MYCBP2: variants seen among roughly 807,000 people sequenced by gnomAD.
The protein encoded by MYCBP2 is E3 ubiquitin-protein ligase MYCBP2.
A neutral mutation model predicts 525.3 loss-of-function variants in MYCBP2; 120 were observed. That is an observed-to-expected ratio of 0.23 (90% CI 0.20 to 0.27). The LOEUF is 0.27. Ranked by LOEUF, MYCBP2 falls within the 10% of genes least tolerant of loss-of-function variation. The pLI, the probability that MYCBP2 is intolerant of heterozygous loss-of-function variation, is 1.00. For synonymous variants in MYCBP2, 1,894 were observed against 1,955.8 expected, an observed-to-expected ratio of 0.97 and a Z score of 0.83; for missense variants, 4,149 against 5,657.1, an observed-to-expected ratio of 0.73 and a Z score of 8.55.
At position 77,176,533 on chromosome 13, in the gene MYCBP2, T is replaced by C; in HGVS notation, c.5436A>G (p.Ile1812Met). 1 of 1,596,580 alleles carries C rather than the reference T, an allele frequency of 6.3e-7. No homozygotes were observed. Among genetic ancestry groups the C allele is most frequent in the Non-Finnish European group, 8.6e-7 (1 of 1,168,660 alleles). ...CCACTTTGTCAAGTCTGATCTCAGC[T>C]ATATCACTGGGTGAGTCATCCGTTG... ...TYTTDDSPSD[I>M]AEIRLDKVVP... Residue 1812 changes from isoleucine to methionine, a missense_variant, in exon 36 of 83, where the codon ATA becomes ATG. Ile to Met is a conservative substitution (Grantham distance 10). Around this residue, in one of 21 missense-constraint regions of MYCBP2, gnomAD observed 109 missense variants for 118.9 expected, o/e 0.92. Coordinates refer to ENST00000544440, the MANE Select transcript of MYCBP2 (RefSeq NM_015057.5).
chr13:77,201,322 C>G (rs2062517047), intron 26 of MYCBP2, among the ~76,000 whole-genome samples: 1 of 149,556 alleles, frequency 6.7e-6, no homozygotes, highest in African/African-American at 2.5e-5. Context: ...GTAAAGGGAT[C>G]AATTCAACAA....
At chr13:77,206,183 C>T (rs1402951439) in intron 24 of MYCBP2, among the ~76,000 whole-genome samples, 2 of 151,714 alleles carry the variant, frequency 1.3e-5, no homozygotes, top group Non-Finnish European at 2.9e-5. Flanking sequence ...TATTGCACTA[C>T]ATCTCAAAGT....
chr13:77,205,315 T>C lies in MYCBP2; in HGVS notation c.3784A>G (p.Ile1262Val). 2.5e-6 allele frequency: 4 copies of C among 1,613,822 alleles called. No homozygotes were observed. Among genetic ancestry groups the C allele is most frequent in the Non-Finnish European group, 2.5e-6 (3 of 1,179,812 alleles). Residue 1262 changes from isoleucine (I) to valine (V), a missense_variant, in exon 26 of 83, where the codon ATT (isoleucine) becomes GTT (valine). Ile to Val is a conservative substitution (Grantham distance 29, BLOSUM62 3). Coordinates refer to ENST00000544440, the MANE Select transcript of MYCBP2 (RefSeq NM_015057.5). The part of the protein sequence containing the change: ...EAIRFSADTD[I>V]LLGGLGLFGG... ...AACAGACCAAGACCACCAAGTAAAATATCAGTGTCGGCACTGAAACGTATA... is the reference window on the plus strand; with the variant it reads ...AACAGACCAAGACCACCAAGTAAAACATCAGTGTCGGCACTGAAACGTATA...
At chr13:77,139,171 C>G in intron 52 of MYCBP2, 25 bp downstream of exon 52, 2 of 1,607,458 alleles carry the variant, frequency 1.2e-6, no homozygotes, top group Non-Finnish European at 1.7e-6. Flanking sequence ...ATCTATAATG[C>G]TTTTTAAAAC....
At position 77,233,274 on chromosome 13, in the gene MYCBP2, A is replaced by G. The variant is rs748755954; in HGVS notation, c.2630-11T>C. On this transcript the variant is annotated splice_polypyrimidine_tract_variant and intron_variant, in intron 17 of 82. Transcript: ENST00000544440. ...CAAATACAAGGGGGCCTGAGGAGAA[A>G]CATTTTGTATGTGCATAGAAAAACT... 6.2e-7 allele frequency: 1 copy of G among 1,600,290 alleles called. No homozygotes were observed. Among genetic ancestry groups the G allele is most frequent in the Non-Finnish European group, 8.6e-7 (1 of 1,168,192 alleles).
chr13:77,236,944 T>C (rs896739931), intron 17 of MYCBP2, among the ~76,000 whole-genome samples: 29 of 152,150 alleles, frequency 1.9e-4, no homozygotes, highest in African/African-American at 7.0e-4. Context: ...ACTACTCTTA[T>C]ACATTAGTCT....
intron 55 of MYCBP2, among the ~76,000 whole-genome samples, chr13:77,112,929 G>C (rs1037073079): frequency 6.6e-6 from 1 of 151,920 alleles, no homozygotes; most frequent in African/African-American, 2.4e-5. Flanking sequence ...CTTCTCTTTA[G>C]ATCAAATCTT....
Position 77,185,983 on chromosome 13 carries a change from T to C in MYCBP2, c.4332A>G (p.Leu1444=), listed in dbSNP as rs1481419357. 22 of 1,613,826 alleles carry C rather than the reference T, an allele frequency of 1.4e-5. No individual in the cohort carries two copies. Among genetic ancestry groups the C allele is most frequent in the Non-Finnish European group, 1.9e-5 (22 of 1,179,854 alleles). The change falls in exon 31 of 83, where the codon TTA becomes TTG. Residue 1444 remains leucine, a synonymous_variant. Coordinates refer to ENST00000544440, the MANE Select transcript of MYCBP2 (RefSeq NM_015057.5). Reference sequence around the variant, plus strand: ...GTGTAGCTGTGAACTGGAATCCTTTTAATCCTCTAAGTTCTTCAACTCCTA... The same window carrying C: ...GTGTAGCTGTGAACTGGAATCCTTTCAATCCTCTAAGTTCTTCAACTCCTA... ...LVLGVEELRG[L]KGFQFTATLL... is the part of the protein sequence containing the mutation.
intron 44 of MYCBP2, among the ~76,000 whole-genome samples, chr13:77,158,578 G>C (rs1441778772): frequency 6.6e-6 from 1 of 152,150 alleles, no homozygotes; most frequent in Admixed American, 6.5e-5. Flanking sequence ...AAGTAGCTGG[G>C]ACTTACAGGC....
chr13:77,246,011 G>C lies in MYCBP2; in HGVS notation c.2382-2060C>G, dbSNP rs192780322. The stretch of plus-strand genomic sequence containing the variant: ...CTTTCATATCGATTGTGAACCATAT[G>C]GGGTATATGTTGACAAAGACACTCC... On this transcript the variant is annotated intron_variant, in intron 15 of 82. Transcript: ENST00000544440. 2.0e-3 allele frequency among the ~76,000 whole-genome samples: 302 copies of C among 152,090 alleles called. 2 individuals carry two copies. The highest frequency in any genetic ancestry group is 3.6e-3 in the Non-Finnish European group (247 of 67,986).
intron 30 of MYCBP2, among the ~76,000 whole-genome samples, chr13:77,186,310 T>C (rs957530023): frequency 3.3e-5 from 5 of 152,150 alleles, no homozygotes; most frequent in African/African-American, 1.2e-4. Flanking sequence ...AAAACAACAT[T>C]CTTCAATATT....
intron 15 of MYCBP2, among the ~76,000 whole-genome samples, chr13:77,245,090 A>C (rs543654675): frequency 6.6e-6 from 1 of 152,346 alleles, no homozygotes; most frequent in East Asian, 1.9e-4. Context: ...GTGATCATTA[A>C]AAAGTCAGGA....
rs76948027 is a variant in MYCBP2 at position 77,321,285 on chromosome 13, T to A, written c.302+5189A>T. Among the ~76,000 whole-genome samples, 365 of 152,340 alleles carry A rather than the reference T, an allele frequency of 2.4e-3. 2 individuals are homozygous for A. Among genetic ancestry groups the A allele is most frequent in the African/African-American group, 8.4e-3 (348 of 41,576 alleles). On this transcript the variant is annotated intron_variant, in intron 1 of 82. Coordinates refer to ENST00000544440, the MANE Select transcript of MYCBP2 (RefSeq NM_015057.5). ...TCTTCTCTTGAGTTAGGAAACTAAT[T>A]CATTTCACATTTCTACCTACCAGTA...
chr13:77,211,807 G>A lies in MYCBP2; in HGVS notation c.3262+149C>T, dbSNP rs1173012830. ...TTTCAGCATAGAGACACATATAAAC[G>A]GAGACATTTACAGGCTTTGTTTAAA... On this transcript the variant is annotated intron_variant, in intron 22 of 82. Transcript: ENST00000544440. The A allele has an allele frequency of 5.7e-5, 37 of 648,936 alleles. No individual in the cohort carries two copies. The East Asian group carries it at 6.6e-4, about 12-fold the overall frequency. The allele number at this position is 648,936 out of a possible 1,614,324, so 40.2% of individuals were successfully genotyped here.
chr13:77,313,569 A>G (rs1169428575), intron 1 of MYCBP2, among the ~76,000 whole-genome samples: 2 of 152,092 alleles, frequency 1.3e-5, no homozygotes, highest in Non-Finnish European at 2.9e-5. Flanking sequence ...ATAACTTTTT[A>G]GCTACAACAC....
intron 7 of MYCBP2, among the ~76,000 whole-genome samples, chr13:77,269,608 A>C (rs896913698): frequency 6.6e-6 from 1 of 152,160 alleles, no homozygotes; most frequent in African/African-American, 2.4e-5. Flanking sequence ...CCTGGGTGAC[A>C]CAGCGAGATT....
chr13:77,150,870 G>A lies in MYCBP2; in HGVS notation c.6995C>T (p.Pro2332Leu), dbSNP rs1247972877. The A allele has an allele frequency of 6.2e-7, 1 of 1,614,066 alleles. No homozygotes were observed. Among genetic ancestry groups the A allele is most frequent in the South Asian group, 1.1e-5 (1 of 91,078 alleles). ...QDQAKKPQRI[P>L]GSPAVTAASS... The stretch of plus-strand genomic sequence containing the variant: ...TGCAGCTGTTACTGCAGGACTGCCA[G>A]GAATCCTTTGAGGTTTCTTTGCTTG... The change falls in exon 47 of 83, where the codon CCT (proline) becomes CTT (leucine). Residue 2332 changes from proline to leucine, a missense_variant. By Grantham distance (98) the Pro-to-Leu change is moderately conservative (BLOSUM62 -3). This residue lies in a region of MYCBP2 where 692 missense variants were observed against 852.7 expected (regional missense o/e 0.81). Transcript: ENST00000544440.
intron 52 of MYCBP2, 87 bp from the exon 53 acceptor site, chr13:77,126,629 G>C: frequency 2.1e-6 from 2 of 933,374 alleles, no homozygotes; most frequent in South Asian, 1.7e-5. Context: ...TTTATAGCAA[G>C]TCTACAGTAC....
chr13:77,201,717 C>G (rs1163436677), intron 26 of MYCBP2, among the ~76,000 whole-genome samples: 3 of 151,976 alleles, frequency 2.0e-5, no homozygotes, highest in South Asian at 2.1e-4. Flanking sequence ...TGCAATCAAA[C>G]TAGAACTCAG....
Sources: gnomAD v4.1 joint callset for allele counts (sites outside exome capture counted in the v4.1 genomes callset) on GRCh38, gnomAD v4.1.1 for gene constraint, gnomAD v4.1.1 regional missense constraint, MANE v1.5 for transcripts, NCBI Gene and HGNC (gene_info 2026-07-23, HGNC 2026-07-21) for gene names.